COPA: variants seen among roughly 807,000 people sequenced by gnomAD.
COPA encodes the protein coat protein complex I subunit alpha.
Under a neutral mutation model 158.7 loss-of-function variants are expected in COPA, and 10 were observed. The ratio of observed to expected loss-of-function variants is 0.06; its 90% CI spans 0.04 to 0.11. The LOEUF is 0.11. COPA is among the 10% of genes least tolerant of loss of function. COPA has a pLI of 1.00. For missense variants in COPA, 1,065 were observed against 1,536.7 expected, an observed-to-expected ratio of 0.69 and a Z score of 5.13; for synonymous variants, 462 against 542.8, an observed-to-expected ratio of 0.85 and a Z score of 2.07.
intron 21 of COPA, among the ~76,000 whole-genome samples, chr1:160,296,623 G>A (rs79034298): frequency 0.015 from 2,286 of 152,292 alleles, 69 homozygotes; most frequent in African/African-American, 0.053. Flanking sequence ...ATCCTAAGCC[G>A]GAGGCACCTA....
At chr1:160,318,622 T>C (rs1423083976) in intron 8 of COPA, among the ~76,000 whole-genome samples, 1 of 151,688 alleles carries the variant, frequency 6.6e-6, no homozygotes, top group Non-Finnish European at 1.5e-5. Context: ...AATCCACTTA[T>C]AACTTTACTA....
chr1:160,290,330 CACTG>C, intron 32 of COPA, 114 bp from the exon 33 acceptor site: 1 of 1,395,338 alleles, frequency 7.2e-7, no homozygotes, highest in South Asian at 1.3e-5. Flanking sequence ...GGGTGTTCAT[CACTG>C]ACTGGCCAAG....
intron 6 of COPA, among the ~76,000 whole-genome samples, chr1:160,328,399 G>A (rs1160447657): frequency 6.6e-6 from 1 of 152,196 alleles, no homozygotes; most frequent in Non-Finnish European, 1.5e-5. Flanking sequence ...CAGATGAATG[G>A]TGACAGGCAG....
intron 3 of COPA, among the ~76,000 whole-genome samples, chr1:160,337,856 CCATA>C (rs1260668701): frequency 6.6e-6 from 1 of 151,710 alleles, no homozygotes; most frequent in African/African-American, 2.4e-5. Flanking sequence ...AGTTCAAATA[CCATA>C]CAATTTATTC....
intron 11 of COPA, among the ~76,000 whole-genome samples, chr1:160,311,109 C>T (rs1571162903): frequency 6.6e-6 from 1 of 152,154 alleles, no homozygotes; most frequent in East Asian, 1.9e-4. Context: ...ATGGGGATTC[C>T]ATCTGTGACA....
chr1:160,318,975 C>A (rs1659247694), intron 8 of COPA, among the ~76,000 whole-genome samples: 2 of 147,632 alleles, frequency 1.4e-5, no homozygotes, highest in African/African-American at 2.5e-5. Context: ...AGAGAAGCCT[C>A]AAAAAAAAAC....
intron 21 of COPA, among the ~76,000 whole-genome samples, chr1:160,296,433 C>T (rs746695584): frequency 3.3e-5 from 5 of 152,192 alleles, no homozygotes; most frequent in Non-Finnish European, 7.3e-5. Context: ...CTAGCTACCA[C>T]GTTACAAACT....
Position 160,305,565 on chromosome 1 carries a change from A to G in COPA, c.1535T>C (p.Val512Ala), listed in dbSNP as rs1658755882. The G allele has an allele frequency of 6.2e-7, 1 of 1,614,104 alleles. No individual in the cohort carries two copies. The highest frequency in any genetic ancestry group is 1.7e-5 in the Admixed American group (1 of 60,000). The stretch of plus-strand genomic sequence containing the variant: ...AGCATCCAGTTTGCGGTTACAGATC[A>G]CAATGGCTGTAAGAGGCAAAGGGCA... Reference protein sequence around the residue: ...HVALLAKHAIVICNRKLDALC... With the variant: ...HVALLAKHAIAICNRKLDALC... The change falls in exon 17 of 33, where the codon GTG becomes GCG. Residue 512 changes from valine to alanine, a missense_variant. Val to Ala is a moderately conservative substitution (Grantham distance 64). Around this residue, in one of 2 missense-constraint regions of COPA, gnomAD observed 980 missense variants for 1,357.8 expected, o/e 0.72. Coordinates refer to ENST00000241704, the MANE Select transcript of COPA (RefSeq NM_004371.4).
intron 8 of COPA, among the ~76,000 whole-genome samples, chr1:160,318,468 TAAAAAAA>T (rs71090307): frequency 2.6e-4 from 4 of 15,676 alleles, no homozygotes; most frequent in Non-Finnish European, 5.2e-4. Flanking sequence ...ACAATATTTG[TAAAAAAA>T]AAAAAAAAAA....
intron 8 of COPA, among the ~76,000 whole-genome samples, chr1:160,322,265 A>G (rs1659351988): frequency 1.3e-5 from 2 of 152,222 alleles, no homozygotes; most frequent in Admixed American, 6.5e-5. Context: ...AAACAGACAC[A>G]TAAACCAATG....
intron 3 of COPA, among the ~76,000 whole-genome samples, chr1:160,337,129 T>C (rs114581475): frequency 3.2e-4 from 49 of 152,350 alleles, no homozygotes; most frequent in African/African-American, 1.1e-3. Flanking sequence ...TTTCCCCTTA[T>C]AGAGTTCAGT....
At chr1:160,320,224 A>C (rs1659288413) in intron 8 of COPA, among the ~76,000 whole-genome samples, 2 of 152,324 alleles carry the variant, frequency 1.3e-5, no homozygotes, top group East Asian at 3.9e-4. Flanking sequence ...AAATACAAAG[A>C]ATCATTAGAA....
chr1:160,316,836 G>A (rs190509258), intron 8 of COPA, among the ~76,000 whole-genome samples: 1 of 151,922 alleles, frequency 6.6e-6, no homozygotes, highest in African/African-American at 2.4e-5. Context: ...AATAATTACA[G>A]AAAATTTTCC....
chr1:160,340,677 C>T (rs1648001286), intron 1 of COPA, among the ~76,000 whole-genome samples: 1 of 152,166 alleles, frequency 6.6e-6, no homozygotes, highest in Non-Finnish European at 1.5e-5. Context: ...GAAGTCTTTC[C>T]TTTCTGGCAA....
intron 17 of COPA, among the ~76,000 whole-genome samples, chr1:160,302,149 C>T (rs1425137742): frequency 6.6e-6 from 1 of 151,778 alleles, no homozygotes; most frequent in East Asian, 1.9e-4. Context: ...AGAAATAAAT[C>T]CTGGAATTGA....
At chr1:160,341,707 A>C (rs935725142) in intron 1 of COPA, among the ~76,000 whole-genome samples, 3 of 152,144 alleles carry the variant, frequency 2.0e-5, no homozygotes. Flanking sequence ...AAGTAACTTA[A>C]CTTTTTTTTT....
At chr1:160,294,679 AT>A in intron 24 of COPA, 86 bp from the exon 25 acceptor site, 1 of 1,593,634 alleles carries the variant, frequency 6.3e-7, no homozygotes, top group Non-Finnish European at 8.6e-7. Flanking sequence ...AGTTCGTTTC[AT>A]GGCCTGGAAG....
intron 32 of COPA, 35 bp downstream of exon 32, chr1:160,290,457 A>G: frequency 6.3e-7 from 1 of 1,592,918 alleles, no homozygotes; most frequent in Non-Finnish European, 8.6e-7. Context: ...CCTTCGCTCA[A>G]TATCCTAGAT....
chr1:160,331,596 G>A (rs991127473), intron 6 of COPA, among the ~76,000 whole-genome samples: 7 of 149,416 alleles, frequency 4.7e-5, no homozygotes, highest in Non-Finnish European at 8.9e-5. Flanking sequence ...GTAGCGAGCC[G>A]AGATTGCGCC....
Sources: allele counts gnomAD v4.1 joint callset (sites outside exome capture counted in the v4.1 genomes callset), GRCh38; gene constraint gnomAD v4.1.1; regional missense constraint gnomAD v4.1.1; transcripts MANE v1.5; gene names NCBI Gene and HGNC (gene_info 2026-07-23, HGNC 2026-07-21).